PREX2: variants seen among roughly 807,000 people sequenced by gnomAD.
The protein encoded by PREX2 is phosphatidylinositol-3,4,5-trisphosphate dependent Rac exchange factor 2, also known as phosphatidylinositol 3,4,5-trisphosphate-dependent Rac exchanger 2 protein.
In PREX2, 107 loss-of-function variants were observed where a neutral mutation model predicts 203.2. That is an observed-to-expected ratio of 0.53 (90% CI 0.45 to 0.62). The LOEUF (loss-of-function observed/expected upper bound fraction) is 0.62. Among genes scored for constraint, PREX2 ranks in the 20% least tolerant of loss-of-function variants. PREX2 has a pLI of 0.00. For synonymous variants in PREX2, 672 were observed against 663.6 expected (o/e 1.01, Z -0.19); for missense variants, 1,777 against 1,955.9 (o/e 0.91, Z 1.72).
At chr8:68,119,192 A>G (rs1297730964) in intron 27 of PREX2, among the ~76,000 whole-genome samples, 7 of 152,236 alleles carry the variant, frequency 4.6e-5, no homozygotes, top group Non-Finnish European at 1.5e-5. Flanking sequence ...CTGGAGGAAC[A>G]TCATTTGAAA....
chr8:68,022,104 A>T lies in PREX2; in HGVS notation c.405A>T (p.Glu135Asp). The change falls in exon 4 of 40, where the codon GAA (glutamate) becomes GAT (aspartate). Residue 135 changes from glutamate (E) to aspartate (D), a missense_variant. Glu to Asp is a conservative substitution (Grantham distance 45). Transcript: ENST00000288368. ...AGAAGGCACAAAAATTACTTCTTGA[A>T]CTCAACAAAATAAGAACAATCCGGA... is the stretch of plus-strand genomic sequence containing the variant. ...NHEKAQKLLL[E>D]LNKIRTIRTF... 6.4e-7 allele frequency: 1 copy of T among 1,567,198 alleles called. No homozygotes were observed. Among genetic ancestry groups the T allele is most frequent in the South Asian group, 1.1e-5 (1 of 90,042 alleles).
intron 7 of PREX2, among the ~76,000 whole-genome samples, chr8:68,041,125 G>A (rs1375348934): frequency 6.6e-6 from 1 of 152,054 alleles, no homozygotes; most frequent in African/African-American, 2.4e-5. Flanking sequence ...TAGTGAAATG[G>A]TACCAATGGG....
chr8:68,025,125 T>C (rs1342585405), intron 4 of PREX2, among the ~76,000 whole-genome samples: 1 of 152,026 alleles, frequency 6.6e-6, no homozygotes, highest in African/African-American at 2.4e-5. Context: ...ACTCTGATAT[T>C]AGGTTTTTCA....
chr8:68,137,328 T>C (rs112492814), intron 32 of PREX2, among the ~76,000 whole-genome samples: 15 of 152,264 alleles, frequency 9.9e-5, no homozygotes, highest in African/African-American at 3.4e-4. Flanking sequence ...AGTGTAGCAG[T>C]GCAATCTTGG....
At position 68,108,214 on chromosome 8, in the gene PREX2, A is replaced by G; in HGVS notation, c.2821A>G (p.Asn941Asp). 1 of 1,613,990 alleles carries G rather than the reference A, an allele frequency of 6.2e-7. No individual in the cohort carries two copies. The highest frequency in any genetic ancestry group is 1.1e-5 in the South Asian group (1 of 91,070). Residue 941 changes from asparagine (N) to aspartate (D), a missense_variant, in exon 24 of 40, where the codon AAT becomes GAT. Physicochemically the swap from Asn to Asp is conservative, Grantham distance 23 (BLOSUM62 1). Coordinates refer to ENST00000288368, the MANE Select transcript of PREX2 (RefSeq NM_024870.4). Reference sequence around the variant, plus strand: ...TTTCTGCCCTACCAACTGCCATGTCAATGTGATGGAAGTTTCTTATCCCAA... The same window carrying G: ...TTTCTGCCCTACCAACTGCCATGTCGATGTGATGGAAGTTTCTTATCCCAA... Reference protein sequence around the residue: ...SDFCPTNCHVNVMEVSYPKTS... With the variant: ...SDFCPTNCHVDVMEVSYPKTS...
chr8:68,075,304 C>T (rs912666057), intron 14 of PREX2, among the ~76,000 whole-genome samples: 3 of 152,172 alleles, frequency 2.0e-5, no homozygotes, highest in South Asian at 2.1e-4. Flanking sequence ...AATCAAATGT[C>T]AGTGATTATT....
At chr8:68,081,044 T>C (rs1003810377) in intron 17 of PREX2, among the ~76,000 whole-genome samples, 28 of 152,094 alleles carry the variant, frequency 1.8e-4, no homozygotes, top group African/African-American at 6.3e-4. Context: ...CACTCAGGGA[T>C]AATAGGGGCC....
intron 33 of PREX2, among the ~76,000 whole-genome samples, chr8:68,139,371 A>T (rs996615514): frequency 2.1e-4 from 32 of 152,240 alleles, no homozygotes; most frequent in African/African-American, 6.3e-4. Context: ...GGGAGCAGAC[A>T]TGGCATGCTC....
At chr8:68,051,742 T>G (rs1419231261) in intron 8 of PREX2, among the ~76,000 whole-genome samples, 2 of 152,106 alleles carry the variant, frequency 1.3e-5, no homozygotes, top group Non-Finnish European at 2.9e-5. Flanking sequence ...GTACAAAAAA[T>G]CTTTTTAAAA....
chr8:68,175,780 T>A (rs1326980073), intron 35 of PREX2, among the ~76,000 whole-genome samples: 1 of 152,040 alleles, frequency 6.6e-6, no homozygotes, highest in Non-Finnish European at 1.5e-5. Context: ...ATTCTTTGTA[T>A]CAAATTCCAA....
intron 32 of PREX2, among the ~76,000 whole-genome samples, chr8:68,134,626 CT>C (rs1289001818): frequency 6.6e-6 from 1 of 152,180 alleles, no homozygotes; most frequent in East Asian, 1.9e-4. Flanking sequence ...ACACAGGCTG[CT>C]GTGAAACCAA....
At chr8:68,228,944 TAAAAAAAAAA>T (rs58993264) in intron 39 of PREX2, among the ~76,000 whole-genome samples, 2 of 103,538 alleles carry the variant, frequency 1.9e-5, no homozygotes, top group African/African-American at 4.0e-5. Context: ...CTTGTCTCTT[TAAAAAAAAAA>T]AAAAAAAAAA....
chr8:68,105,110 T>C, intron 23 of PREX2: 1 of 1,364,316 alleles, frequency 7.3e-7, no homozygotes, highest in Non-Finnish European at 9.8e-7. Flanking sequence ...CCACCATCAA[T>C]TCAAGAACTG....
chr8:68,168,755 A>G lies in PREX2; in HGVS notation c.4346+11319A>G, dbSNP rs75144177. Among the ~76,000 whole-genome samples the G allele has an allele frequency of 7.6e-3, 1,163 of 152,312 alleles. 9 individuals carry two copies. Among genetic ancestry groups the G allele is most frequent in the South Asian group, 0.012 (56 of 4,820 alleles). ...ACGGGCCACAAGCCCACACTGACCAATTCTTTATAGGGGCTCTTACTGCCT... is the reference window on the plus strand; with the variant it reads ...ACGGGCCACAAGCCCACACTGACCAGTTCTTTATAGGGGCTCTTACTGCCT... On this transcript the variant is annotated intron_variant, in intron 35 of 39. Transcript: ENST00000288368.
At chr8:68,179,027 TA>T (rs1334940049) in intron 35 of PREX2, among the ~76,000 whole-genome samples, 1 of 152,190 alleles carries the variant, frequency 6.6e-6, no homozygotes, top group East Asian at 1.9e-4. Flanking sequence ...TTTCAGTTTT[TA>T]TACACTTTTG....
intron 35 of PREX2, among the ~76,000 whole-genome samples, chr8:68,174,700 A>G (rs1274577488): frequency 6.6e-6 from 1 of 151,962 alleles, no homozygotes; most frequent in African/African-American, 2.4e-5. Flanking sequence ...TTCTCCTTTC[A>G]CCTTGTCTTT....
intron 1 of PREX2, among the ~76,000 whole-genome samples, chr8:67,987,990 A>G (rs932160281): frequency 3.9e-5 from 6 of 152,336 alleles, no homozygotes; most frequent in Admixed American, 1.3e-4. Flanking sequence ...GTAGAAGAGC[A>G]GGTATGCAAA....
At chr8:68,098,954 A>G (rs976729315) in intron 22 of PREX2, among the ~76,000 whole-genome samples, 4 of 83,038 alleles carry the variant, frequency 4.8e-5, no homozygotes, top group African/African-American at 1.3e-4. Flanking sequence ...ATATATATAT[A>G]TATATATATA....
chr8:68,197,446 G>A (rs930696129), intron 37 of PREX2, among the ~76,000 whole-genome samples: 1 of 152,042 alleles, frequency 6.6e-6, no homozygotes, highest in African/African-American at 2.4e-5. Flanking sequence ...CTCCTGCCAT[G>A]ATTGTAAGTT....
Sources: gnomAD v4.1 joint callset for allele counts (sites outside exome capture counted in the v4.1 genomes callset) on GRCh38, gnomAD v4.1.1 for gene constraint, MANE v1.5 for transcripts, NCBI Gene and HGNC (gene_info 2026-07-23, HGNC 2026-07-21) for gene names.